NDUFB2: variants seen among roughly 807,000 people sequenced by gnomAD.
NDUFB2 encodes the protein NADH:ubiquinone oxidoreductase subunit B2.
In NDUFB2, 13 loss-of-function variants were observed where a neutral mutation model predicts 13.4. That is an observed-to-expected ratio of 0.97 (90% CI 0.63 to 1.54). The LOEUF is 1.54. NDUFB2 is among the 40% of genes most tolerant of loss of function. NDUFB2 has a pLI of 0.00. For synonymous variants in NDUFB2, 47 were observed against 50.6 expected (o/e 0.93, Z 0.30); for missense variants, 150 against 139.7 (o/e 1.07, Z -0.37).
chr7:140,696,853 G>C lies in NDUFB2; in HGVS notation c.98+11G>C. ...TGGTGGAGTCCGTCAGTGAGTGTGG[G>C]GCTGGGGATGGGGGCCTCGCCGGCC... is the stretch of plus-strand genomic sequence containing the variant. On this transcript the variant is annotated intron_variant, in intron 1 of 3. Transcript: ENST00000247866. The C allele has an allele frequency of 6.3e-7, 1 of 1,595,164 alleles. No homozygotes were observed. The highest frequency in any genetic ancestry group is 8.5e-7 in the Non-Finnish European group (1 of 1,171,120).
rs1424162143 is a variant in NDUFB2 at position 140,696,843 on chromosome 7, G to A, written c.98+1G>A. 1 of 1,602,212 alleles carries A rather than the reference G, an allele frequency of 6.2e-7. No homozygotes were observed. Among genetic ancestry groups the A allele is most frequent in the Non-Finnish European group, 8.5e-7 (1 of 1,174,784 alleles). ...CTGCTGGAGATGGTGGAGTCCGTCA[G>A]TGAGTGTGGGGCTGGGGATGGGGGC... On this transcript the variant is annotated splice_donor_variant, in intron 1 of 3. Coordinates refer to ENST00000247866, the MANE Select transcript of NDUFB2 (RefSeq NM_004546.3). LOFTEE classifies it high-confidence loss of function.
intron 1 of NDUFB2, among the ~76,000 whole-genome samples, chr7:140,697,757 TATTCTC>T (rs1187350354): frequency 1.3e-5 from 2 of 152,202 alleles, no homozygotes; most frequent in Admixed American, 6.5e-5. Flanking sequence ...AAAAGTTTCT[TATTCTC>T]TTAATGCCTC....
At chr7:140,705,101 C>CTTT (rs878932531) in intron 3 of NDUFB2, 138 bp downstream of exon 3, 64 of 341,942 alleles carry the variant, frequency 1.9e-4, no homozygotes, top group East Asian at 6.1e-4. Context: ...CCTGTATCTG[C>CTTT]TTTTTTTTTT....
rs189442432 is a variant in NDUFB2, at chr7:140,704,462, T to C, written c.244-398T>C. On this transcript the variant is annotated intron_variant, in intron 2 of 3. Coordinates refer to ENST00000247866, the MANE Select transcript of NDUFB2 (RefSeq NM_004546.3). The stretch of plus-strand genomic sequence containing the variant: ...AGCCAGATAAGCCCTTAGATCAGGA[T>C]TGGAGATGAGGAAGTCCACCTGAGG... 4.5e-4 allele frequency among the ~76,000 whole-genome samples: 69 copies of C among 152,276 alleles called. No homozygotes were observed. The Middle Eastern group carries it at 0.01, about 23-fold the overall frequency.
chr7:140,698,264 C>G, intron 1 of NDUFB2: 1 of 1,351,444 alleles, frequency 7.4e-7, no homozygotes. Context: ...CCGATCTTCC[C>G]TGAGGTGCTG....
chr7:140,703,742 T>G (rs910279572), intron 2 of NDUFB2, among the ~76,000 whole-genome samples: 1 of 151,874 alleles, frequency 6.6e-6, no homozygotes, highest in African/African-American at 2.4e-5. Context: ...GAAGTTAGTT[T>G]TAGTGATTTT....
intron 1 of NDUFB2, chr7:140,700,315 G>T (rs548398563): frequency 1.3e-5 from 2 of 151,786 alleles, no homozygotes; most frequent in South Asian, 4.2e-4. Context: ...TAGAGACGAG[G>T]TTTTTCCACG....
Position 140,696,827 on chromosome 7 carries a change from ATGG to A in NDUFB2, c.87_89del (p.Gly30del), listed in dbSNP as rs1794813842. ...AGCGGCTGCGCACGGACTGCTGGAG[ATGG>A]TGGAGTCCGTCAGTGAGTGTGGGGC... On this transcript the variant is annotated inframe_deletion, in exon 1 of 4. Coordinates refer to ENST00000247866, the MANE Select transcript of NDUFB2 (RefSeq NM_004546.3). The A allele has an allele frequency of 1.9e-6, 3 of 1,607,858 alleles. No homozygotes were observed. The highest frequency in any genetic ancestry group is 2.5e-6 in the Non-Finnish European group (3 of 1,177,476).
intron 1 of NDUFB2, among the ~76,000 whole-genome samples, chr7:140,698,723 T>A (rs1172783311): frequency 6.6e-6 from 1 of 150,566 alleles, no homozygotes; most frequent in Admixed American, 6.6e-5. Flanking sequence ...AGGGGAAGAG[T>A]GGGAGAGACC....
intron 1 of NDUFB2, chr7:140,698,105 C>G: frequency 6.7e-6 from 9 of 1,349,772 alleles, no homozygotes; most frequent in Non-Finnish European, 8.8e-6. Flanking sequence ...AAAGGAGTGA[C>G]TTGCCTGAAG....
intron 3 of NDUFB2, among the ~76,000 whole-genome samples, chr7:140,705,847 T>C (rs1316193757): frequency 6.6e-6 from 1 of 152,154 alleles, no homozygotes; most frequent in Non-Finnish European, 1.5e-5. Flanking sequence ...ATATGAAAAC[T>C]AACTCTTTAA....
chr7:140,703,917 G>A (rs1372964340), intron 2 of NDUFB2, among the ~76,000 whole-genome samples: 1 of 151,922 alleles, frequency 6.6e-6, no homozygotes, highest in African/African-American at 2.4e-5. Context: ...CACCACTCCC[G>A]GCTAATTTTT....
rs763498668 is a variant in NDUFB2 at position 140,696,741 on chromosome 7, G to C, written c.-4G>C. 4.4e-6 allele frequency: 7 copies of C among 1,586,658 alleles called. No individual in the cohort carries two copies. Among genetic ancestry groups the C allele is most frequent in the African/African-American group, 1.3e-5 (1 of 74,206 alleles). On this transcript the variant is annotated 5_prime_UTR_variant, in exon 1 of 4. Transcript: ENST00000247866. ...TGGGGACCGCGGGGCGGACGGGAGC[G>C]AGTATGTCCGCTCTGACTCGGCTGG... is the stretch of plus-strand genomic sequence containing the variant.
chr7:140,704,747 G>C (rs1329561247), intron 2 of NDUFB2, 113 bp from the exon 3 acceptor site: 1 of 702,280 alleles, frequency 1.4e-6, no homozygotes, highest in Non-Finnish European at 2.2e-6. Flanking sequence ...CTGTGGTCAG[G>C]GGCTGAGCCA....
At position 140,696,715 on chromosome 7, in the gene NDUFB2, C is replaced by T. The variant is rs1794810033; in HGVS notation, c.-30C>T. Reference sequence around the variant, plus strand: ...AGCGAAGTAGGCAGGGGCGAGGCGGCTGGGGACCGCGGGGCGGACGGGAGC... The same window carrying T: ...AGCGAAGTAGGCAGGGGCGAGGCGGTTGGGGACCGCGGGGCGGACGGGAGC... On this transcript the variant is annotated 5_prime_UTR_variant, in exon 1 of 4. Coordinates refer to ENST00000247866, the MANE Select transcript of NDUFB2 (RefSeq NM_004546.3). The T allele has an allele frequency of 3.9e-6, 6 of 1,555,672 alleles. No individual in the cohort carries two copies. Among genetic ancestry groups the T allele is most frequent in the Non-Finnish European group, 5.2e-6 (6 of 1,150,304 alleles).
At chr7:140,696,925 G>A (rs1794816624) in intron 1 of NDUFB2, 83 bp downstream of exon 1, 2 of 1,332,156 alleles carry the variant, frequency 1.5e-6, no homozygotes, top group African/African-American at 1.5e-5. Context: ...CTTGACTGGG[G>A]CGCCTGAAGA....
chr7:140,698,469 T>C (rs1254245543), intron 1 of NDUFB2, among the ~76,000 whole-genome samples: 1 of 152,166 alleles, frequency 6.6e-6, no homozygotes, highest in Admixed American at 6.5e-5. Flanking sequence ...TTAAGGGTTA[T>C]GAAGAGAATA....
At position 140,696,800 on chromosome 7, in the gene NDUFB2, G is replaced by C; in HGVS notation, c.56G>C (p.Arg19Thr). ...GCTCGCGTTGGAGGCCGCCTTTTCAGAAGCGGCTGCGCACGGACTGCTGGA... is the reference window on the plus strand; with the variant it reads ...GCTCGCGTTGGAGGCCGCCTTTTCACAAGCGGCTGCGCACGGACTGCTGGA... ...SFARVGGRLFRSGCARTAGDG... is the reference protein window; with the variant it reads ...SFARVGGRLFTSGCARTAGDG... The change falls in exon 1 of 4, where the codon AGA becomes ACA. Residue 19 changes from arginine to threonine, a missense_variant. Coordinates refer to ENST00000247866, the MANE Select transcript of NDUFB2 (RefSeq NM_004546.3). The C allele has an allele frequency of 6.2e-7, 1 of 1,609,404 alleles. No homozygotes were observed. Among genetic ancestry groups the C allele is most frequent in the Non-Finnish European group, 8.5e-7 (1 of 1,178,176 alleles).
At chr7:140,704,238 A>C (rs868510140) in intron 2 of NDUFB2, among the ~76,000 whole-genome samples, 2 of 152,144 alleles carry the variant, frequency 1.3e-5, no homozygotes, top group Non-Finnish European at 2.9e-5. Flanking sequence ...GCAGTATGTA[A>C]GTTTTAGAAG....
Sources: gnomAD v4.1 joint callset for allele counts (sites outside exome capture counted in the v4.1 genomes callset) on GRCh38, gnomAD v4.1.1 for gene constraint, MANE v1.5 for transcripts, NCBI Gene and HGNC (gene_info 2026-07-23, HGNC 2026-07-21) for gene names.